Variants in GNAO1 observed in about 807,000 individuals in gnomAD.
GNAO1 encodes guanine nucleotide-binding protein G(o) subunit alpha.
For synonymous variants in GNAO1, 164 were observed against 180.7 expected (o/e 0.91, Z 0.74); for missense variants, 166 against 478.7 (o/e 0.35, Z 6.10).
At chr16:56,310,224 G>C (rs551374916) in intron 3 of GNAO1, among the ~76,000 whole-genome samples, 1 of 152,276 alleles carries the variant, frequency 6.6e-6, no homozygotes, top group African/African-American at 2.4e-5. Flanking sequence ...GGTACTCGCA[G>C]GAGGCTGAGG....
chr16:56,312,333 T>A (rs2051264930), intron 3 of GNAO1, among the ~76,000 whole-genome samples: 1 of 152,198 alleles, frequency 6.6e-6, no homozygotes, highest in African/African-American at 2.4e-5. Context: ...CTTGTGAACA[T>A]CAAATGGAGT....
chr16:56,350,568 T>C (rs1040168995), intron 6 of GNAO1, among the ~76,000 whole-genome samples: 3 of 152,210 alleles, frequency 2.0e-5, no homozygotes, highest in African/African-American at 4.8e-5. Context: ...AACAGGCTCC[T>C]GTGTGCAGGG....
intron 2 of GNAO1, among the ~76,000 whole-genome samples, chr16:56,250,254 T>C (rs2036787756): frequency 6.6e-6 from 1 of 152,142 alleles, no homozygotes; most frequent in South Asian, 2.1e-4. Flanking sequence ...TTGCTAACCT[T>C]ATTTGGGGAT....
chr16:56,252,416 G>A (rs1008822652), intron 2 of GNAO1, among the ~76,000 whole-genome samples: 17 of 152,212 alleles, frequency 1.1e-4, no homozygotes, highest in African/African-American at 4.1e-4. Context: ...TGCAAGGAGA[G>A]CAGTTCAGAT....
intron 3 of GNAO1, among the ~76,000 whole-genome samples, chr16:56,299,950 G>A (rs1004348245): frequency 4.0e-5 from 6 of 151,892 alleles, no homozygotes; most frequent in Non-Finnish European, 7.4e-5. Flanking sequence ...TAATTGGCCA[G>A]CTTCCTAACC....
At chr16:56,229,949 G>T (rs1310639747) in intron 2 of GNAO1, among the ~76,000 whole-genome samples, 1 of 152,094 alleles carries the variant, frequency 6.6e-6, no homozygotes, top group Non-Finnish European at 1.5e-5. Flanking sequence ...GAAGGGCATC[G>T]CCTGTAGCAG....
In GNAO1 at chr16:56,191,782, TCCG is replaced by T. The variant is rs1288079042; in HGVS notation, c.-442_-440del. ...CGCCGCCGCCTCCTCCACCTCCTCC[TCCG>T]CCGCCGCCGCCTCCTCCTCCTCCGG... On this transcript the variant is annotated 5_prime_UTR_variant, in exon 1 of 9. Transcript: ENST00000262493. This position sits in a 1 kb window ranked among gnomAD's most constrained non-coding sequence, Gnocchi z 4.7. 9.7e-5 allele frequency: 21 copies of T among 217,050 alleles called. No individual in the cohort carries two copies. Among genetic ancestry groups the T allele is most frequent in the South Asian group, 2.7e-4 (4 of 14,850 alleles). The allele number at this position is 217,050 out of a possible 1,614,324, so 13.4% of individuals were successfully genotyped here.
chr16:56,267,063 G>C (rs1280209242), intron 2 of GNAO1, among the ~76,000 whole-genome samples: 1 of 152,152 alleles, frequency 6.6e-6, no homozygotes, highest in Non-Finnish European at 1.5e-5. Flanking sequence ...CCCTCCTGCA[G>C]ATCCAGCACC....
intron 6 of GNAO1, chr16:56,346,170 G>T (rs2037866774): frequency 2.0e-6 from 2 of 985,406 alleles, no homozygotes; most frequent in East Asian, 2.3e-4. Flanking sequence ...TTGGTCCTCA[G>T]GGGTATCCGG....
intron 6 of GNAO1, among the ~76,000 whole-genome samples, chr16:56,337,286 C>T (rs2037750841): frequency 6.6e-6 from 1 of 152,176 alleles, no homozygotes; most frequent in Non-Finnish European, 1.5e-5. Context: ...GCTGAAGCAG[C>T]ATGGGGCCGG....
chr16:56,356,278 A>G lies in GNAO1; in HGVS notation c.*204A>G, dbSNP rs2037966981. 2.0e-5 allele frequency: 3 copies of G among 152,668 alleles called. No homozygotes were observed. Among genetic ancestry groups the G allele is most frequent in the Non-Finnish European group, 2.9e-5 (2 of 68,050 alleles). The allele number at this position is 152,668 out of a possible 1,614,324, so 9.5% of individuals were successfully genotyped here. On this transcript the variant is annotated 3_prime_UTR_variant, in exon 9 of 9. Coordinates refer to ENST00000262493, the MANE Select transcript of GNAO1 (RefSeq NM_020988.3). ...AGAATCCGGTTTTAGTTGAGTCTTCACATTTAGAATTTGAAAGGAAAAACA... is the reference window on the plus strand; with the variant it reads ...AGAATCCGGTTTTAGTTGAGTCTTCGCATTTAGAATTTGAAAGGAAAAACA...
chr16:56,266,186 G>C (rs1487049045), intron 2 of GNAO1, among the ~76,000 whole-genome samples: 1 of 152,200 alleles, frequency 6.6e-6, no homozygotes, highest in African/African-American at 2.4e-5. Flanking sequence ...GCCTCTGTCT[G>C]TCCTGTTCGC....
At chr16:56,348,064 C>T in intron 6 of GNAO1, 1 of 980,998 alleles carries the variant, frequency 1.0e-6, no homozygotes, top group Non-Finnish European at 1.2e-6. Context: ...CACTGCTGCC[C>T]ACCCCATATT....
At chr16:56,221,177 A>G (rs775711950) in intron 2 of GNAO1, among the ~76,000 whole-genome samples, 46 of 152,198 alleles carry the variant, frequency 3.0e-4, no homozygotes, top group Non-Finnish European at 5.9e-5. Context: ...CAGTGCCTCA[A>G]CGTTGGACTC....
At chr16:56,344,016 G>C (rs915845795) in intron 6 of GNAO1, 111 of 1,588,414 alleles carry the variant, frequency 7.0e-5, no homozygotes, top group Non-Finnish European at 9.2e-5. Flanking sequence ...CTGGAACCAG[G>C]CTCCACCACT....
intron 2 of GNAO1, among the ~76,000 whole-genome samples, chr16:56,201,142 A>G (rs1432214392): frequency 1.3e-5 from 2 of 152,222 alleles, no homozygotes; most frequent in African/African-American, 2.4e-5. Context: ...TTCAGGTAGG[A>G]AGGGCCACAA....
At chr16:56,199,337 A>G (rs2036261546) in intron 2 of GNAO1, among the ~76,000 whole-genome samples, 1 of 152,224 alleles carries the variant, frequency 6.6e-6, no homozygotes. Context: ...CTTAAACCAA[A>G]GAGGAGGATC....
At chr16:56,353,541 G>T in intron 7 of GNAO1, 1 of 152,648 alleles carries the variant, frequency 6.6e-6, no homozygotes. Context: ...GCTGTCTAAG[G>T]GACGTGTGGG....
chr16:56,348,801 TC>T (rs2037896582), intron 6 of GNAO1, among the ~76,000 whole-genome samples: 1 of 151,984 alleles, frequency 6.6e-6, no homozygotes. Flanking sequence ...CTCACTGCCC[TC>T]CCCGAGTCTC....
Sources: allele counts gnomAD v4.1 joint callset (sites outside exome capture counted in the v4.1 genomes callset), GRCh38; gene constraint gnomAD v4.1.1; non-coding constraint Gnocchi (gnomAD v3.1); transcripts MANE v1.5; gene names NCBI Gene and HGNC (gene_info 2026-07-23, HGNC 2026-07-21).